CSMD1: variants seen among roughly 807,000 people sequenced by gnomAD.
CSMD1 encodes CUB and sushi domain-containing protein 1.
A neutral mutation model predicts 417.5 loss-of-function variants in CSMD1; 213 were observed. The ratio of observed to expected loss-of-function variants is 0.51; its 90% CI spans 0.46 to 0.57. The LOEUF (loss-of-function observed/expected upper bound fraction) is 0.57. CSMD1 is among the 20% of genes least tolerant of loss of function. The probability of loss-of-function intolerance (pLI) is 0.00; values close to 1 mark genes in which losing one functional copy is unlikely to be tolerated. For synonymous variants in CSMD1, 2,862 were observed against 1,736.8 expected (o/e 1.65, Z -16.11); for missense variants, 6,923 against 4,529.7 (o/e 1.53, Z -15.17).
At chr8:4,802,414 C>G (rs527673039) in intron 1 of CSMD1, among the ~76,000 whole-genome samples, 4 of 151,872 alleles carry the variant, frequency 2.6e-5, no homozygotes, top group South Asian at 4.2e-4. Context: ...GTTAACTTAA[C>G]TTTGGGAATT....
intron 7 of CSMD1, among the ~76,000 whole-genome samples, chr8:3,617,761 G>A (rs1265094548): frequency 1.3e-5 from 2 of 152,098 alleles, no homozygotes; most frequent in African/African-American, 4.8e-5. Flanking sequence ...ACCAATTTAG[G>A]AGCAATGTCG....
At chr8:4,276,017 TTGG>T (rs1357267063) in intron 3 of CSMD1, among the ~76,000 whole-genome samples, 1 of 152,154 alleles carries the variant, frequency 6.6e-6, no homozygotes, top group Non-Finnish European at 1.5e-5. Context: ...TTTTACAATG[TTGG>T]TGGGAGTGTA....
chr8:4,973,881 C>T (rs566184555), intron 1 of CSMD1, among the ~76,000 whole-genome samples: 6 of 152,210 alleles, frequency 3.9e-5, no homozygotes, highest in Non-Finnish European at 8.8e-5. Flanking sequence ...AACACAATCA[C>T]ACCTGGCTGA....
intron 12 of CSMD1, among the ~76,000 whole-genome samples, chr8:3,460,436 G>A (rs999799824): frequency 2.0e-5 from 3 of 152,140 alleles, no homozygotes; most frequent in African/African-American, 7.2e-5. Flanking sequence ...CAACCAATTT[G>A]AAACAGTGTA....
At chr8:4,902,860 G>T (rs1804977042) in intron 1 of CSMD1, among the ~76,000 whole-genome samples, 1 of 151,588 alleles carries the variant, frequency 6.6e-6, no homozygotes, top group Non-Finnish European at 1.5e-5. Flanking sequence ...TATCATTTAT[G>T]TTTTTTCTAT....
At chr8:4,884,521 T>C (rs558909268) in intron 1 of CSMD1, among the ~76,000 whole-genome samples, 2 of 152,186 alleles carry the variant, frequency 1.3e-5, no homozygotes, top group African/African-American at 2.4e-5. Context: ...AGCTCTTTCA[T>C]TTAGGTCCTT....
chr8:4,265,900 A>G lies in CSMD1; in HGVS notation c.415+154053T>C, dbSNP rs1481397719. On this transcript the variant is annotated intron_variant, in intron 3 of 69. Transcript: ENST00000635120. ...AGATAAAGATTCCCACACAAATCCAAAATAAAATGTGAAGAAATAGATTTC... is the reference window on the plus strand; with the variant it reads ...AGATAAAGATTCCCACACAAATCCAGAATAAAATGTGAAGAAATAGATTTC... Among the ~76,000 whole-genome samples the G allele has an allele frequency of 5.7e-5, 6 of 104,438 alleles. 1 individual carries two copies. Among genetic ancestry groups the G allele is most frequent in the Admixed American group, 1.8e-4 (2 of 10,958 alleles). 68.5% of individuals were successfully genotyped at this position (104,438 alleles called of 152,430 possible). A position where few individuals can be genotyped will look rare whatever the true frequency, so the allele number is the denominator to read the frequency against.
intron 5 of CSMD1, among the ~76,000 whole-genome samples, chr8:3,975,005 G>A (rs12679008): frequency 0.054 from 8,196 of 152,216 alleles, 381 homozygotes; most frequent in African/African-American, 0.11. Flanking sequence ...GTTCTTTGCA[G>A]TGAAAATGGA....
rs201439883 is a variant in CSMD1, at chr8:4,640,388, G to T, written c.86-2830C>A. Among the ~76,000 whole-genome samples, 3 of 152,126 alleles carry T rather than the reference G, an allele frequency of 2.0e-5. No homozygotes were observed. The East Asian group carries it at 5.8e-4, about 29-fold the overall frequency. Reference sequence around the variant, plus strand: ...ACTTAATACTGCATCTTATTATAAAGCCACCGTGATTAAAGCAGTGTTTGA... The same window carrying T: ...ACTTAATACTGCATCTTATTATAAATCCACCGTGATTAAAGCAGTGTTTGA... On this transcript the variant is annotated intron_variant, in intron 1 of 69. Transcript: ENST00000635120.
intron 45 of CSMD1, 24 bp downstream of exon 45, chr8:3,107,694 G>A: frequency 7.4e-7 from 1 of 1,344,438 alleles, no homozygotes; most frequent in East Asian, 2.4e-5. Context: ...TGAATTCATG[G>A]TATTGTAATG....
chr8:4,255,522 G>C (rs17069762), intron 3 of CSMD1, among the ~76,000 whole-genome samples: 13,802 of 152,178 alleles, frequency 0.091, 901 homozygotes, highest in East Asian at 0.33. Context: ...TGGATTAACC[G>C]GTTAAAAGTC....
At chr8:3,458,202 G>C (rs1042754245) in intron 12 of CSMD1, among the ~76,000 whole-genome samples, 74 of 152,156 alleles carry the variant, frequency 4.9e-4, no homozygotes, top group Non-Finnish European at 9.6e-4. Context: ...GTGCAATGTA[G>C]CTGGAGCTAA....
At chr8:3,598,601 T>C (rs1049687811) in intron 8 of CSMD1, among the ~76,000 whole-genome samples, 4 of 152,156 alleles carry the variant, frequency 2.6e-5, no homozygotes, top group African/African-American at 7.2e-5. Flanking sequence ...CTTCTTTTAT[T>C]TGTCCTCATC....
At chr8:4,092,073 T>C (rs191220837) in intron 3 of CSMD1, among the ~76,000 whole-genome samples, 2 of 152,288 alleles carry the variant, frequency 1.3e-5, no homozygotes, top group East Asian at 3.9e-4. Flanking sequence ...TAGCACTACT[T>C]AGAAGCTTAA....
At chr8:4,477,008 G>C (rs1800837197) in intron 2 of CSMD1, among the ~76,000 whole-genome samples, 1 of 152,330 alleles carries the variant, frequency 6.6e-6, no homozygotes, top group South Asian at 2.1e-4. Flanking sequence ...TGGACAGGTG[G>C]CTGTGGTTAC....
intron 5 of CSMD1, among the ~76,000 whole-genome samples, chr8:3,816,781 A>T (rs990761283): frequency 3.3e-5 from 5 of 152,118 alleles, no homozygotes; most frequent in Non-Finnish European, 7.4e-5. Context: ...TAATTTTTTT[A>T]AAATATGGTA....
intron 2 of CSMD1, among the ~76,000 whole-genome samples, chr8:4,587,144 T>A (rs1166371518): frequency 1.3e-5 from 2 of 152,178 alleles, no homozygotes; most frequent in Non-Finnish European, 2.9e-5. Context: ...TCCACATTGA[T>A]TTTTCTGCCC....
intron 7 of CSMD1, among the ~76,000 whole-genome samples, chr8:3,619,496 T>C (rs1371854543): frequency 6.6e-6 from 1 of 152,128 alleles, no homozygotes; most frequent in Non-Finnish European, 1.5e-5. Flanking sequence ...TCAGACTTGC[T>C]AGACAATGAA....
intron 7 of CSMD1, among the ~76,000 whole-genome samples, chr8:3,695,383 T>A (rs1298420706): frequency 6.6e-6 from 1 of 150,926 alleles, no homozygotes; most frequent in Admixed American, 6.6e-5. Flanking sequence ...ACTCAACGTG[T>A]CCTGTATGCT....
Sources: gnomAD v4.1 joint callset for allele counts (sites outside exome capture counted in the v4.1 genomes callset) on GRCh38, gnomAD v4.1.1 for gene constraint, MANE v1.5 for transcripts, NCBI Gene and HGNC (gene_info 2026-07-23, HGNC 2026-07-21) for gene names.